Variants in NEXMIF observed in about 807,000 individuals in gnomAD.
The protein encoded by NEXMIF is neurite extension and migration factor.
Under a neutral mutation model 62.1 loss-of-function variants are expected in NEXMIF, and 8 were observed. The observed-to-expected ratio is 0.13, with a 90% CI of 0.08 to 0.23. The LOEUF is 0.23. Ranked by LOEUF, NEXMIF falls within the 10% of genes least tolerant of loss-of-function variation. The probability of loss-of-function intolerance (pLI) is 1.00; values close to 1 mark genes in which losing one functional copy is unlikely to be tolerated. For synonymous variants in NEXMIF, 404 were observed against 416.6 expected, an observed-to-expected ratio of 0.97 and a Z score of 0.37; for missense variants, 976 against 1,113.3, an observed-to-expected ratio of 0.88 and a Z score of 1.75.
intron 1 of NEXMIF, among the ~76,000 whole-genome samples, chrX:74,789,102 T>A (rs1164194631): frequency 9.6e-6 from 1 of 104,169 alleles, no homozygotes; most frequent in East Asian, 3.1e-4. Context: ...GCATTAGGTA[T>A]ATCTCCCAAT....
At chrX:74,819,063 T>G (rs975340988) in intron 1 of NEXMIF, among the ~76,000 whole-genome samples, 53 of 111,551 alleles carry the variant, frequency 4.8e-4, no homozygotes, top group African/African-American at 1.6e-3. Context: ...TGACAAACCT[T>G]ACAAAAACAA....
Position 74,738,132 on chromosome X carries a change from T to C in NEXMIF, c.*1273A>G, listed in dbSNP as rs958235161. The C allele has an allele frequency of 2.7e-5, 3 of 110,365 alleles. No individual in the cohort carries two copies. The highest frequency in any genetic ancestry group is 5.7e-5 in the Non-Finnish European group (3 of 52,953). The allele number at this position is 110,365 out of a possible 1,213,427, so 9.1% of individuals were successfully genotyped here. On this transcript the variant is annotated 3_prime_UTR_variant, in exon 4 of 4. Transcript: ENST00000055682. ...GGGCTGTGAAATTTTTTTTAAAAAG[T>C]AGGGGGAGTACTGAATAAAAAATGT...
At chrX:74,780,998 A>G (rs1446553764) in intron 1 of NEXMIF, among the ~76,000 whole-genome samples, 2 of 111,644 alleles carry the variant, frequency 1.8e-5, no homozygotes, top group Non-Finnish European at 3.8e-5. Context: ...CTTACCCTAA[A>G]GGTACATAAA....
intron 1 of NEXMIF, among the ~76,000 whole-genome samples, chrX:74,792,453 T>G (rs1258330491): frequency 9.3e-5 from 10 of 106,959 alleles, no homozygotes; most frequent in East Asian, 3.0e-4. Context: ...TATATTCTGT[T>G]GATTTGGGGT....
At chrX:74,881,595 T>C (rs1435029527) in intron 1 of NEXMIF, among the ~76,000 whole-genome samples, 1 of 76,772 alleles carries the variant, frequency 1.3e-5, no homozygotes, top group African/African-American at 6.9e-5. Flanking sequence ...TTTTAGGAGG[T>C]TTGGAAGCAT....
At chrX:74,884,423 T>C (rs1360719115) in intron 1 of NEXMIF, among the ~76,000 whole-genome samples, 1 of 111,138 alleles carries the variant, frequency 9.0e-6, no homozygotes, top group African/African-American at 3.3e-5. Context: ...GAGACACACA[T>C]AGGCTCAAAA....
At chrX:74,891,543 G>A (rs768722445) in intron 1 of NEXMIF, among the ~76,000 whole-genome samples, 1 of 111,709 alleles carries the variant, frequency 9.0e-6, no homozygotes, top group Non-Finnish European at 1.9e-5. Flanking sequence ...GTTTTATGCT[G>A]CTAATCACAT....
chrX:74,744,330 C>T lies in NEXMIF; in HGVS notation c.227G>A (p.Ser76Asn). 1 of 1,211,643 alleles carries T rather than the reference C, an allele frequency of 8.3e-7. No individual in the cohort carries two copies. The highest frequency in any genetic ancestry group is 1.7e-5 in the African/African-American group (1 of 57,778). Residue 76 changes from serine (S) to asparagine (N), a missense_variant, in exon 3 of 4, where the codon AGC becomes AAC. Ser to Asn is a conservative substitution (Grantham distance 46, BLOSUM62 1). Coordinates refer to ENST00000055682, the MANE Select transcript of NEXMIF (RefSeq NM_001008537.3). ...PLPSKKPCMQ[S>N]PPSPLGLIEA... ...AATCAGGCCCAAAGGAGAGGGCGGG[C>T]TCTGCATACAGGGCTTCTTAGAGGG...
At chrX:74,835,293 G>C in intron 1 of NEXMIF, among the ~76,000 whole-genome samples, 1 of 112,000 alleles carries the variant, frequency 8.9e-6, no homozygotes, top group Middle Eastern at 4.6e-3. Flanking sequence ...TGTTTCTTTA[G>C]GATAGGTCCT....
In NEXMIF at chrX:74,740,950, C is replaced by T; in HGVS notation, c.3607G>A (p.Gly1203Ser). ...QKNTRKKSLKGNNKGIEKPPG... is the reference protein window; with the variant it reads ...QKNTRKKSLKSNNKGIEKPPG... ...GGTTTTTCAATCCCCTTGTTGTTAC[C>T]TTTGAGGGATTTTTTCCTGGTGTTT... The change falls in exon 3 of 4, where the codon GGT becomes AGT. Residue 1203 changes from glycine to serine, a missense_variant. Transcript: ENST00000055682. 8.3e-7 allele frequency: 1 copy of T among 1,211,717 alleles called. No individual in the cohort carries two copies. Among genetic ancestry groups the T allele is most frequent in the Admixed American group, 2.2e-5 (1 of 46,031 alleles).
intron 1 of NEXMIF, among the ~76,000 whole-genome samples, chrX:74,751,656 C>CCTTCCTT (rs2080143402): frequency 1.0e-5 from 1 of 96,872 alleles, no homozygotes; most frequent in African/African-American, 3.8e-5. Context: ...TTCCTTCCTT[C>CCTTCCTT]CTTTCCTTCC....
At chrX:74,777,350 G>A (rs1319984863) in intron 1 of NEXMIF, among the ~76,000 whole-genome samples, 1 of 111,362 alleles carries the variant, frequency 9.0e-6, no homozygotes, top group Non-Finnish European at 1.9e-5. Context: ...GGGTACACGT[G>A]ATAATTTGAT....
chrX:74,871,348 G>A (rs1474992562), intron 1 of NEXMIF, among the ~76,000 whole-genome samples: 1 of 111,291 alleles, frequency 9.0e-6, no homozygotes, highest in Admixed American at 9.6e-5. Flanking sequence ...ACAGAGATCA[G>A]ATGCTTCAAA....
At chrX:74,750,525 G>A (rs1336067769) in intron 1 of NEXMIF, among the ~76,000 whole-genome samples, 1 of 111,979 alleles carries the variant, frequency 8.9e-6, no homozygotes, top group Admixed American at 9.5e-5. Context: ...GTTAGGGACT[G>A]TAATGAAGCA....
At chrX:74,820,505 T>C (rs753616886) in intron 1 of NEXMIF, among the ~76,000 whole-genome samples, 2 of 111,385 alleles carry the variant, frequency 1.8e-5, no homozygotes, top group Admixed American at 1.9e-4. Flanking sequence ...CACTATTGGG[T>C]ATATACCCAA....
chrX:74,847,771 T>C (rs974988086), intron 1 of NEXMIF, among the ~76,000 whole-genome samples: 1 of 111,588 alleles, frequency 9.0e-6, no homozygotes, highest in African/African-American at 3.3e-5. Context: ...TTTTAAAAAG[T>C]ATCCATGTCA....
intron 1 of NEXMIF, among the ~76,000 whole-genome samples, chrX:74,909,841 C>T (rs1274070932): frequency 8.9e-6 from 1 of 112,241 alleles, no homozygotes; most frequent in Non-Finnish European, 1.9e-5. Flanking sequence ...GGCCAACGTA[C>T]AGCTCGGCCC....
chrX:74,886,572 C>T (rs2080694506), intron 1 of NEXMIF, among the ~76,000 whole-genome samples: 1 of 111,081 alleles, frequency 9.0e-6, no homozygotes, highest in Non-Finnish European at 1.9e-5. Context: ...AAATGAAATA[C>T]CTAGGAATCC....
intron 1 of NEXMIF, among the ~76,000 whole-genome samples, chrX:74,790,924 A>C (rs1435181455): frequency 9.1e-6 from 1 of 110,477 alleles, no homozygotes; most frequent in Non-Finnish European, 1.9e-5. Context: ...GTCTGCAAAC[A>C]GGGACAATTT....
Sources: gnomAD v4.1 joint callset for allele counts (sites outside exome capture counted in the v4.1 genomes callset) on GRCh38, gnomAD v4.1.1 for gene constraint, MANE v1.5 for transcripts, NCBI Gene and HGNC (gene_info 2026-07-23, HGNC 2026-07-21) for gene names.